GALNTL6: variants seen among roughly 807,000 people sequenced by gnomAD.
The protein encoded by GALNTL6 is polypeptide N-acetylgalactosaminyltransferase-like 6.
A neutral mutation model predicts 73.7 loss-of-function variants in GALNTL6; 46 were observed. That is an observed-to-expected ratio of 0.62 (90% CI 0.49 to 0.80). The LOEUF (loss-of-function observed/expected upper bound fraction) is 0.80. GALNTL6 is among the 30% of genes least tolerant of loss of function. The pLI is 0.00. For synonymous variants in GALNTL6, 259 were observed against 263.7 expected, an observed-to-expected ratio of 0.98 and a Z score of 0.17; for missense variants, 604 against 755.0, an observed-to-expected ratio of 0.80 and a Z score of 2.34.
intron 5 of GALNTL6, among the ~76,000 whole-genome samples, chr4:172,718,137 C>A (rs942734109): frequency 6.6e-6 from 1 of 152,100 alleles, no homozygotes. Context: ...AATACATAAT[C>A]TTTAGCAACT....
intron 2 of GALNTL6, among the ~76,000 whole-genome samples, chr4:172,026,900 G>T (rs1176360679): frequency 1.3e-5 from 2 of 151,712 alleles, no homozygotes; most frequent in Non-Finnish European, 2.9e-5. Flanking sequence ...TTTATTTTTT[G>T]AGAAAGGGTC....
At chr4:172,237,621 T>G (rs1579288046) in intron 3 of GALNTL6, among the ~76,000 whole-genome samples, 2 of 152,330 alleles carry the variant, frequency 1.3e-5, no homozygotes, top group East Asian at 3.9e-4. Flanking sequence ...TTTTTGGTTT[T>G]GTTGCAGTTT....
At chr4:172,295,123 T>G (rs1739620152) in intron 3 of GALNTL6, among the ~76,000 whole-genome samples, 1 of 152,116 alleles carries the variant, frequency 6.6e-6, no homozygotes, top group Admixed American at 6.6e-5. Flanking sequence ...ATTAGCAAAC[T>G]ATATCTAAAA....
chr4:172,420,734 A>G (rs1366292122), intron 5 of GALNTL6, among the ~76,000 whole-genome samples: 3 of 152,116 alleles, frequency 2.0e-5, no homozygotes, highest in Non-Finnish European at 4.4e-5. Context: ...TTGCAGCACT[A>G]TTTACAACAG....
intron 7 of GALNTL6, among the ~76,000 whole-genome samples, chr4:172,880,885 G>A (rs186795408): frequency 2.6e-5 from 4 of 152,168 alleles, no homozygotes; most frequent in East Asian, 1.9e-4. Flanking sequence ...GTATAAACTC[G>A]TTAAGAAAAC....
intron 5 of GALNTL6, among the ~76,000 whole-genome samples, chr4:172,535,300 GA>G: frequency 6.6e-6 from 1 of 152,214 alleles, no homozygotes; most frequent in African/African-American, 2.4e-5. Flanking sequence ...ATTGGTAATA[GA>G]AAAACAGTTT....
At chr4:172,267,456 T>C (rs1036825300) in intron 3 of GALNTL6, among the ~76,000 whole-genome samples, 1 of 152,138 alleles carries the variant, frequency 6.6e-6, no homozygotes, top group Non-Finnish European at 1.5e-5. Flanking sequence ...TTTTCAGTAA[T>C]TTTTATTGGT....
At chr4:172,440,551 A>C (rs1731795629) in intron 5 of GALNTL6, among the ~76,000 whole-genome samples, 1 of 152,116 alleles carries the variant, frequency 6.6e-6, no homozygotes, top group Non-Finnish European at 1.5e-5. Flanking sequence ...TGATACTATA[A>C]TGATGGGTAT....
At chr4:172,286,233 A>G (rs1302591861) in intron 3 of GALNTL6, among the ~76,000 whole-genome samples, 1 of 152,190 alleles carries the variant, frequency 6.6e-6, no homozygotes, top group African/African-American at 2.4e-5. Flanking sequence ...AAGATTGTCT[A>G]CATAATAGTT....
In GALNTL6 at chr4:172,723,474, A is replaced by G. The variant is rs139279879; in HGVS notation, c.554-85887A>G. ...GGGATCTAAGATCTTGTGGAAAGGGATATGTCAAGTACTTAGCACAGAGCT... is the reference window on the plus strand; with the variant it reads ...GGGATCTAAGATCTTGTGGAAAGGGGTATGTCAAGTACTTAGCACAGAGCT... On this transcript the variant is annotated intron_variant, in intron 5 of 12. Transcript: ENST00000506823. Among the ~76,000 whole-genome samples the G allele has an allele frequency of 2.2e-4, 34 of 152,230 alleles. 1 individual carries two copies. In the East Asian group the frequency reaches 6.4e-3, roughly 29 times the overall value.
chr4:172,904,936 G>T (rs1198980265), intron 8 of GALNTL6, among the ~76,000 whole-genome samples: 2 of 152,070 alleles, frequency 1.3e-5, no homozygotes, highest in African/African-American at 2.4e-5. Flanking sequence ...AATTTAAAGG[G>T]ATTGAAATAT....
At chr4:172,074,779 G>A (rs1373364027) in intron 2 of GALNTL6, among the ~76,000 whole-genome samples, 1 of 152,104 alleles carries the variant, frequency 6.6e-6, no homozygotes, top group Non-Finnish European at 1.5e-5. Flanking sequence ...AATATCACTT[G>A]GGGCAAATGC....
rs1468434220 is a variant in GALNTL6 at position 172,522,061 on chromosome 4, CTCA to C, written c.553+173373_553+173375del. On this transcript the variant is annotated intron_variant, in intron 5 of 12. Transcript: ENST00000506823. ...CAGATAATTTATATAAGCAGTTGGACTCAATATAGAGAATGTGTCCTTTTAAAA... is the reference window on the plus strand; with the variant it reads ...CAGATAATTTATATAAGCAGTTGGACATATAGAGAATGTGTCCTTTTAAAA... Among the ~76,000 whole-genome samples, 122 of 152,112 alleles carry C rather than the reference CTCA, an allele frequency of 8.0e-4. 1 individual carries two copies. The highest frequency in any genetic ancestry group is 6.8e-3 in the Middle Eastern group (2 of 294).
intron 5 of GALNTL6, among the ~76,000 whole-genome samples, chr4:172,404,828 C>G (rs2111330830): frequency 6.6e-6 from 1 of 152,138 alleles, no homozygotes; most frequent in East Asian, 1.9e-4. Context: ...ACGAGAGTTT[C>G]TCTAAATCAG....
chr4:172,068,532 C>G lies in GALNTL6; in HGVS notation c.139-161124C>G, dbSNP rs1731422713. Reference sequence around the variant, plus strand: ...CTCTAAATTAGAATGTTCTTTTGTGCCCTACGAGTCCTGTGAATGTTTATC... The same window carrying G: ...CTCTAAATTAGAATGTTCTTTTGTGGCCTACGAGTCCTGTGAATGTTTATC... On this transcript the variant is annotated intron_variant, in intron 2 of 12. Coordinates refer to ENST00000506823, the MANE Select transcript of GALNTL6 (RefSeq NM_001034845.3). 1.8e-5 allele frequency among the ~76,000 whole-genome samples: 2 copies of G among 110,342 alleles called. 1 individual carries two copies. Among genetic ancestry groups the G allele is most frequent in the South Asian group, 5.3e-4 (2 of 3,792 alleles). The allele number at this position is 110,342 out of a possible 152,430, so 72.4% of individuals were successfully genotyped here.
At chr4:171,835,907 AT>A (rs1735082716) in intron 2 of GALNTL6, among the ~76,000 whole-genome samples, 1 of 152,026 alleles carries the variant, frequency 6.6e-6, no homozygotes, top group Non-Finnish European at 1.5e-5. Context: ...ATAAAAAAAT[AT>A]TTTTTAAATG....
chr4:172,435,287 G>A (rs1022389445), intron 5 of GALNTL6, among the ~76,000 whole-genome samples: 2 of 152,128 alleles, frequency 1.3e-5, no homozygotes, highest in Non-Finnish European at 2.9e-5. Flanking sequence ...ACTGGCTTGG[G>A]TGTCTGCTGT....
intron 5 of GALNTL6, among the ~76,000 whole-genome samples, chr4:172,374,578 T>C (rs928481004): frequency 6.6e-6 from 1 of 152,202 alleles, no homozygotes; most frequent in Admixed American, 6.5e-5. Context: ...TCATGGGCTT[T>C]TTCCTAATTC....
At chr4:172,841,680 G>A (rs945471245) in intron 7 of GALNTL6, among the ~76,000 whole-genome samples, 6 of 152,044 alleles carry the variant, frequency 3.9e-5, no homozygotes, top group Admixed American at 6.6e-5. Flanking sequence ...TTATAAAACC[G>A]TTAGGTCTCA....
Sources: gnomAD v4.1 joint callset for allele counts (sites outside exome capture counted in the v4.1 genomes callset) on GRCh38, gnomAD v4.1.1 for gene constraint, MANE v1.5 for transcripts, NCBI Gene and HGNC (gene_info 2026-07-23, HGNC 2026-07-21) for gene names.